ADGRV1: variants seen among roughly 807,000 people sequenced by gnomAD.
The protein encoded by ADGRV1 is adhesion G protein-coupled receptor V1.
Under a neutral mutation model 596.2 loss-of-function variants are expected in ADGRV1, and 359 were observed. The ratio of observed to expected loss-of-function variants is 0.60; its 90% CI spans 0.55 to 0.66. ADGRV1 has a LOEUF of 0.66. Ranked by LOEUF, ADGRV1 falls within the 30% of genes least tolerant of loss-of-function variation. The probability of loss-of-function intolerance (pLI) is 0.00; values close to 1 mark genes in which losing one functional copy is unlikely to be tolerated. For synonymous variants in ADGRV1, 2,681 were observed against 2,679.2 expected (o/e 1.00, Z -0.02); for missense variants, 7,274 against 7,575.6 (o/e 0.96, Z 1.48).
intron 85 of ADGRV1, among the ~76,000 whole-genome samples, chr5:91,006,386 A>G (rs554986507): frequency 6.6e-6 from 1 of 152,340 alleles, no homozygotes; most frequent in African/African-American, 2.4e-5. Flanking sequence ...AAGTCACAAC[A>G]TATTGTGTAC....
rs145616430 is a variant in ADGRV1, at chr5:90,644,159, A to G, written c.2734+176A>G. Reference sequence around the variant, plus strand: ...TAGGACCATGATTTTTATTTCTTACATAGTATCGTGATGATACTGATGACT... The same window carrying G: ...TAGGACCATGATTTTTATTTCTTACGTAGTATCGTGATGATACTGATGACT... On this transcript the variant is annotated intron_variant, in intron 14 of 89. Transcript: ENST00000405460. 4.7e-3 allele frequency among the ~76,000 whole-genome samples: 716 copies of G among 152,284 alleles called. 5 individuals are homozygous for G. Among genetic ancestry groups the G allele is most frequent in the African/African-American group, 0.016 (674 of 41,570 alleles).
intron 83 of ADGRV1, among the ~76,000 whole-genome samples, chr5:90,930,840 T>C (rs1222550849): frequency 1.3e-5 from 2 of 152,150 alleles, no homozygotes; most frequent in African/African-American, 4.8e-5. Flanking sequence ...GCCTGCATAA[T>C]ATAGAATATC....
intron 29 of ADGRV1, among the ~76,000 whole-genome samples, chr5:90,688,356 ATTTTG>A (rs943273864): frequency 2.6e-5 from 4 of 152,022 alleles, no homozygotes; most frequent in Non-Finnish European, 5.9e-5. Flanking sequence ...TGATTTTACA[ATTTTG>A]TTTTGTTTTG....
At chr5:90,568,558 T>C (rs751525259) in intron 1 of ADGRV1, among the ~76,000 whole-genome samples, 10 of 152,212 alleles carry the variant, frequency 6.6e-5, no homozygotes, top group Non-Finnish European at 1.3e-4. Context: ...GACTGCTTCA[T>C]GTGTACTTGA....
At position 91,029,519 on chromosome 5, in the gene ADGRV1, A is replaced by G. The variant is rs984280551; in HGVS notation, c.18153-42928A>G. ...TGAAATTGCTTGACCTCATGTAGATATATCTTAAATATTAGTAGACATTGA... is the reference window on the plus strand; with the variant it reads ...TGAAATTGCTTGACCTCATGTAGATGTATCTTAAATATTAGTAGACATTGA... On this transcript the variant is annotated intron_variant, in intron 85 of 89. Coordinates refer to ENST00000405460, the MANE Select transcript of ADGRV1 (RefSeq NM_032119.4). 2.0e-5 allele frequency among the ~76,000 whole-genome samples: 3 copies of G among 152,310 alleles called. No homozygotes were observed. In the East Asian group the frequency reaches 5.8e-4, roughly 29 times the overall value.
In ADGRV1 at chr5:90,617,213, A is replaced by C. The variant is rs1005700334; in HGVS notation, c.208-591A>C. 7 of 152,286 alleles carry C rather than the reference A, an allele frequency of 4.6e-5. No individual in the cohort carries two copies. The South Asian group carries it at 1.0e-3, about 23-fold the overall frequency. 9.4% of individuals were successfully genotyped at this position (152,286 alleles called of 1,614,324 possible). Reference sequence around the variant, plus strand: ...CAGATCAATCAAGAGCAGAGAAAAAAATTCACATAATTGCTTTCCTATATA... The same window carrying C: ...CAGATCAATCAAGAGCAGAGAAAAACATTCACATAATTGCTTTCCTATATA... On this transcript the variant is annotated intron_variant, in intron 2 of 89. Transcript: ENST00000405460.
At chr5:90,714,970 TC>T (rs1749895701) in intron 42 of ADGRV1, among the ~76,000 whole-genome samples, 1 of 152,202 alleles carries the variant, frequency 6.6e-6, no homozygotes, top group African/African-American at 2.4e-5. Context: ...CAAACTGAGA[TC>T]TATAAAACAA....
chr5:91,148,102 G>A lies in ADGRV1; in HGVS notation c.18433-1928G>A, dbSNP rs552954185. 4.6e-5 allele frequency among the ~76,000 whole-genome samples: 7 copies of A among 152,330 alleles called. No homozygotes were observed. In the South Asian group the frequency reaches 1.4e-3, roughly 32 times the overall value. ...GTTATCTGGCGGAAGAAATTTCTAA[G>A]CAGCAAAGCATTCAAGAGGTGACAA... is the stretch of plus-strand genomic sequence containing the variant. On this transcript the variant is annotated intron_variant, in intron 87 of 89. Coordinates refer to ENST00000405460, the MANE Select transcript of ADGRV1 (RefSeq NM_032119.4).
intron 34 of ADGRV1, among the ~76,000 whole-genome samples, chr5:90,698,359 C>T (rs1157903343): frequency 1.3e-5 from 2 of 152,112 alleles, no homozygotes; most frequent in Non-Finnish European, 2.9e-5. Flanking sequence ...TAATTGTATA[C>T]ACCAGATTTT....
chr5:90,706,328 T>C lies in ADGRV1; in HGVS notation c.8664T>C (p.Pro2888=), dbSNP rs2149696681. The C allele has an allele frequency of 6.2e-7, 1 of 1,613,034 alleles. No homozygotes were observed. The highest frequency in any genetic ancestry group is 1.3e-5 in the African/African-American group (1 of 74,972). ...NLAEPEVDFV[P]IIGFLILEEG... ...CAGAGCCAGAAGTTGATTTTGTCCC[T>C]ATCATTGGCTTTCTGATTTTAGAAG... Residue 2888 remains proline (P), a synonymous_variant, in exon 38 of 90, where the codon CCT becomes CCC. Transcript: ENST00000405460.
intron 82 of ADGRV1, among the ~76,000 whole-genome samples, chr5:90,856,627 C>G (rs1303918769): frequency 6.6e-6 from 1 of 152,120 alleles, no homozygotes; most frequent in Non-Finnish European, 1.5e-5. Context: ...TTTCTATGAA[C>G]AAGGTGCTAT....
chr5:90,845,181 G>A (rs1248094533), intron 78 of ADGRV1, among the ~76,000 whole-genome samples: 1 of 139,790 alleles, frequency 7.2e-6, no homozygotes, highest in African/African-American at 2.5e-5. Flanking sequence ...CCTAGGCTTC[G>A]TGGTCACCAA....
intron 4 of ADGRV1, among the ~76,000 whole-genome samples, chr5:90,619,915 T>C (rs2152060301): frequency 6.6e-6 from 1 of 152,170 alleles, no homozygotes; most frequent in African/African-American, 2.4e-5. Flanking sequence ...TCCATGTCCC[T>C]ACAAAGGACA....
At chr5:90,659,942 G>T (rs1326460784) in intron 21 of ADGRV1, among the ~76,000 whole-genome samples, 1 of 152,074 alleles carries the variant, frequency 6.6e-6, no homozygotes, top group African/African-American at 2.4e-5. Context: ...TGAGGCAGGA[G>T]AATGGTGTGA....
intron 17 of ADGRV1, among the ~76,000 whole-genome samples, chr5:90,649,940 C>T (rs895323887): frequency 2.6e-5 from 4 of 152,302 alleles, no homozygotes; most frequent in South Asian, 2.1e-4. Flanking sequence ...TGTGCTACCT[C>T]GTACTGCTGC....
chr5:90,721,576 T>TAAATAAAATATAAA lies in ADGRV1; in HGVS notation c.9748+520_9748+521insTAAAATATAAAAAA, dbSNP rs1554094700. Among the ~76,000 whole-genome samples, 312 of 119,900 alleles carry TAAATAAAATATAAA rather than the reference T, an allele frequency of 2.6e-3. 29 individuals carry two copies. Among genetic ancestry groups the TAAATAAAATATAAA allele is most frequent in the East Asian group, 5.6e-3 (26 of 4,680 alleles). 78.7% of individuals were successfully genotyped at this position (119,900 alleles called of 152,430 possible). On this transcript the variant is annotated intron_variant, in intron 45 of 89. Transcript: ENST00000405460. ...TAAAATAAAATAAAATAAAATAAAATAAAATAAAATAAAATATGTATTTAG... is the reference window on the plus strand; with the variant it reads ...TAAAATAAAATAAAATAAAATAAAATAAATAAAATATAAAAAAATAAAATAAAATATGTATTTAG...
At chr5:90,794,176 A>T (rs1049882549) in intron 70 of ADGRV1, among the ~76,000 whole-genome samples, 3 of 152,180 alleles carry the variant, frequency 2.0e-5, no homozygotes, top group Non-Finnish European at 4.4e-5. Context: ...AAGGGCCATG[A>T]TGTATCTAAC....
chr5:90,995,530 GT>G (rs1781342297), intron 85 of ADGRV1, among the ~76,000 whole-genome samples: 1 of 152,212 alleles, frequency 6.6e-6, no homozygotes, highest in East Asian at 1.9e-4. Context: ...GCCACAGGTA[GT>G]TTTTTATAGG....
intron 85 of ADGRV1, among the ~76,000 whole-genome samples, chr5:91,072,038 ACT>A (rs1243251949): frequency 6.6e-6 from 1 of 151,134 alleles, no homozygotes; most frequent in Non-Finnish European, 1.5e-5. Context: ...ATCTAAAGTG[ACT>A]CTTTTTTTTT....
Sources: allele counts gnomAD v4.1 joint callset (sites outside exome capture counted in the v4.1 genomes callset), GRCh38; gene constraint gnomAD v4.1.1; transcripts MANE v1.5; gene names NCBI Gene and HGNC (gene_info 2026-07-23, HGNC 2026-07-21).